The following DNMBP variants were observed in gnomAD, a reference collection of about 807,000 sequenced individuals.
DNMBP encodes dynamin binding protein, also known as dynamin-binding protein.
Under a neutral mutation model 150.0 loss-of-function variants are expected in DNMBP, and 87 were observed. That is an observed-to-expected ratio of 0.58 (90% CI 0.49 to 0.69). The LOEUF (loss-of-function observed/expected upper bound fraction) is 0.69, where lower values mean the gene tolerates loss of function less well. Among genes scored for constraint, DNMBP ranks in the 30% least tolerant of loss-of-function variants. The pLI, the probability that DNMBP is intolerant of heterozygous loss-of-function variation, is 0.00. For synonymous variants in DNMBP, 711 were observed against 750.4 expected, an observed-to-expected ratio of 0.95 and a Z score of 0.86; for missense variants, 1,774 against 1,949.0, an observed-to-expected ratio of 0.91 and a Z score of 1.69.
intron 4 of DNMBP, among the ~76,000 whole-genome samples, chr10:99,917,922 T>G (rs2133261288): frequency 1.4e-5 from 2 of 142,898 alleles, no homozygotes; most frequent in Non-Finnish European, 3.0e-5. Flanking sequence ...TGAGCCAAGA[T>G]CGTGCCACTG....
At chr10:99,881,519 T>C (rs2039367406) in intron 15 of DNMBP, among the ~76,000 whole-genome samples, 1 of 152,224 alleles carries the variant, frequency 6.6e-6, no homozygotes, top group African/African-American at 2.4e-5. Flanking sequence ...ACCCAGAGTA[T>C]GTAGCCTCCA....
chr10:99,956,435 C>T lies in DNMBP; in HGVS notation c.1039G>A (p.Glu347Lys), dbSNP rs766585897. The T allele has an allele frequency of 8.1e-6, 13 of 1,613,950 alleles. No individual in the cohort carries two copies. Among genetic ancestry groups the T allele is most frequent in the African/African-American group, 1.3e-5 (1 of 74,866 alleles). ...QRHETSDHEA[E>K]EPDCIISEAP... ...TCAGAAATAATGCAGTCAGGCTCCT[C>T]GGCCTCATGGTCACTGGTTTCATGT... The change falls in exon 4 of 17, where the codon GAG (glutamate) becomes AAG (lysine). Residue 347 changes from glutamate to lysine, a missense_variant. By Grantham distance (56) the Glu-to-Lys change is moderately conservative (BLOSUM62 1). Around this residue, in one of 2 missense-constraint regions of DNMBP, gnomAD observed 344 missense variants for 456.6 expected, o/e 0.75. Transcript: ENST00000324109.
At chr10:99,924,531 A>G (rs952312989) in intron 4 of DNMBP, among the ~76,000 whole-genome samples, 1 of 152,242 alleles carries the variant, frequency 6.6e-6, no homozygotes, top group African/African-American at 2.4e-5. Flanking sequence ...TATGCTATAC[A>G]TACTTCTTTT....
At chr10:99,909,235 GA>G in intron 4 of DNMBP, 89 bp from the exon 5 acceptor site, 1 of 989,624 alleles carries the variant, frequency 1.0e-6, no homozygotes, top group Non-Finnish European at 1.5e-6. Flanking sequence ...CATTTCCTGA[GA>G]ACCAAAGGTC....
At chr10:99,896,996 G>A (rs1229779779) in intron 9 of DNMBP, among the ~76,000 whole-genome samples, 2 of 152,190 alleles carry the variant, frequency 1.3e-5, no homozygotes, top group Non-Finnish European at 2.9e-5. Flanking sequence ...AAGGGAAAGG[G>A]CTGGATGACC....
chr10:99,995,027 C>G (rs2040936270), intron 1 of DNMBP, among the ~76,000 whole-genome samples: 1 of 151,640 alleles, frequency 6.6e-6, no homozygotes, highest in Admixed American at 6.6e-5. Flanking sequence ...AGCAGCTGGG[C>G]ATGCGCCACT....
chr10:99,971,279 C>T (rs2040674118), intron 2 of DNMBP, among the ~76,000 whole-genome samples: 1 of 152,078 alleles, frequency 6.6e-6, no homozygotes, highest in South Asian at 2.1e-4. Flanking sequence ...AATTTATTGA[C>T]TTGGGCTTCC....
Position 99,879,897 on chromosome 10 carries a change from C to T in DNMBP, c.4462G>A (p.Asp1488Asn). The T allele has an allele frequency of 6.2e-7, 1 of 1,614,250 alleles. No individual in the cohort carries two copies. Among genetic ancestry groups the T allele is most frequent in the Non-Finnish European group, 8.5e-7 (1 of 1,180,056 alleles). Residue 1488 changes from aspartate (D) to asparagine (N), a missense_variant, in exon 16 of 17, where the codon GAC becomes AAC. Physicochemically the swap from Asp to Asn is conservative, Grantham distance 23. Coordinates refer to ENST00000324109, the MANE Select transcript of DNMBP (RefSeq NM_015221.4). ...SVPGRNGQSQ[D>N]LVKGCARTAQ... ...GTTCTTGCACATCCTTTGACGAGGT[C>T]TTGACTTTGCCCATTTCGTCCTGGT...
chr10:99,944,256 T>A (rs1406726591), intron 4 of DNMBP, among the ~76,000 whole-genome samples: 1 of 139,060 alleles, frequency 7.2e-6, no homozygotes, highest in East Asian at 1.9e-4. Context: ...ATGACTATGT[T>A]TTTTTAAATT....
chr10:99,973,926 A>T (rs1189038044), intron 1 of DNMBP, among the ~76,000 whole-genome samples: 1 of 152,174 alleles, frequency 6.6e-6, no homozygotes, highest in Non-Finnish European at 1.5e-5. Context: ...GGTTGCAGTG[A>T]GCCGAGATCA....
intron 4 of DNMBP, among the ~76,000 whole-genome samples, chr10:99,941,625 T>C (rs12250795): frequency 0.46 from 69,894 of 151,884 alleles, 16,868 homozygotes; most frequent in African/African-American, 0.6. Flanking sequence ...TGTGCCACCA[T>C]GCCCGGCTAA....
chr10:99,983,246 C>T (rs2040797254), intron 1 of DNMBP, among the ~76,000 whole-genome samples: 1 of 152,146 alleles, frequency 6.6e-6, no homozygotes, highest in Non-Finnish European at 1.5e-5. Flanking sequence ...TCTCAGGTCC[C>T]AGCAATGAGA....
Position 99,886,413 on chromosome 10 carries a change from G to A in DNMBP, c.3505C>T (p.Pro1169Ser), listed in dbSNP as rs762969287. 1 of 1,614,170 alleles carries A rather than the reference G, an allele frequency of 6.2e-7. No individual in the cohort carries two copies. ...ALNAQLLDEL[P>S]KFHQYAQGLF... ...CCCTGGGCGTACTGGTGGAACTTGG[G>A]CAGCTCATCCAGCAGCTGTGCATTC... is the stretch of plus-strand genomic sequence containing the variant. The change falls in exon 13 of 17, where the codon CCC becomes TCC. Residue 1169 changes from proline to serine, a missense_variant. By Grantham distance (74) the Pro-to-Ser change is moderately conservative (BLOSUM62 -1). Around this residue, in one of 2 missense-constraint regions of DNMBP, gnomAD observed 1,430 missense variants for 1,492.5 expected, o/e 0.96. Transcript: ENST00000324109.
At position 99,955,830 on chromosome 10, in the gene DNMBP, C is replaced by T; in HGVS notation, c.1644G>A (p.Leu548=). ...THSQGDGSTD[L]DSKLTQQLIE... Reference sequence around the variant, plus strand: ...TCAGCTGTTGTGTCAGCTTCGAGTCCAGGTCAGTGCTGCCGTCTCCCTGTG... The same window carrying T: ...TCAGCTGTTGTGTCAGCTTCGAGTCTAGGTCAGTGCTGCCGTCTCCCTGTG... The change falls in exon 4 of 17, where the codon CTG becomes CTA. Residue 548 remains leucine (L), a synonymous_variant. Coordinates refer to ENST00000324109, the MANE Select transcript of DNMBP (RefSeq NM_015221.4). 1.2e-6 allele frequency: 2 copies of T among 1,614,228 alleles called. No homozygotes were observed. Among genetic ancestry groups the T allele is most frequent in the Non-Finnish European group, 1.7e-6 (2 of 1,180,036 alleles).
At chr10:99,952,443 CCT>C (rs2040435141) in intron 4 of DNMBP, among the ~76,000 whole-genome samples, 1 of 152,158 alleles carries the variant, frequency 6.6e-6, no homozygotes, top group Non-Finnish European at 1.5e-5. Flanking sequence ...CTGGCATTCC[CCT>C]GAGAGCTCAA....
chr10:99,915,423 C>T (rs1324038452), intron 4 of DNMBP, among the ~76,000 whole-genome samples: 1 of 150,290 alleles, frequency 6.7e-6, no homozygotes, highest in Non-Finnish European at 1.5e-5. Flanking sequence ...AAAAGTCATA[C>T]TGGCTGAGCA....
intron 4 of DNMBP, among the ~76,000 whole-genome samples, chr10:99,909,453 G>C (rs1216229743): frequency 2.0e-5 from 3 of 152,194 alleles, no homozygotes; most frequent in African/African-American, 7.2e-5. Context: ...AGAGGGGTCT[G>C]ACCTTATAAG....
At chr10:99,957,227 A>T in intron 3 of DNMBP, 22 bp from the exon 4 acceptor site, 5 of 1,588,816 alleles carry the variant, frequency 3.1e-6, no homozygotes, top group Non-Finnish European at 4.3e-6. Context: ...AGGAGCAGAG[A>T]TGGTGACCTC....
In DNMBP at chr10:99,884,133, G is replaced by A; in HGVS notation, c.3875C>T (p.Ala1292Val). The change falls in exon 15 of 17, where the codon GCA becomes GTA. Residue 1292 changes from alanine (A) to valine (V), a missense_variant. Transcript: ENST00000324109. Reference protein sequence around the residue: ...ARYPPEKLFQAERNFNAAQDL... With the variant: ...ARYPPEKLFQVERNFNAAQDL... ...TTGAGCAGCATTGAAGTTCCGTTCTGCCTGGAAGAGTTTTTCAGGGGGATA... is the reference window on the plus strand; with the variant it reads ...TTGAGCAGCATTGAAGTTCCGTTCTACCTGGAAGAGTTTTTCAGGGGGATA... The A allele has an allele frequency of 6.2e-7, 1 of 1,614,130 alleles. No homozygotes were observed. Among genetic ancestry groups the A allele is most frequent in the Non-Finnish European group, 8.5e-7 (1 of 1,180,002 alleles).
Sources: gnomAD v4.1 joint callset for allele counts (sites outside exome capture counted in the v4.1 genomes callset) on GRCh38, gnomAD v4.1.1 for gene constraint, gnomAD v4.1.1 regional missense constraint, MANE v1.5 for transcripts, NCBI Gene and HGNC (gene_info 2026-07-23, HGNC 2026-07-21) for gene names.